The following RFTN2 variants were observed in gnomAD, a reference collection of about 807,000 sequenced individuals.
RFTN2 encodes the protein raftlin-2.
RFTN2 carries 34 observed loss-of-function variants against 52.7 expected under a neutral mutation model. The observed-to-expected ratio is 0.64, with a 90% CI of 0.49 to 0.86. The LOEUF is 0.86. Ranked by LOEUF, RFTN2 falls within the 40% of genes least tolerant of loss-of-function variation. The pLI is 0.00. For missense variants in RFTN2, 536 were observed against 600.1 expected, an observed-to-expected ratio of 0.89 and a Z score of 1.12; for synonymous variants, 203 against 217.7, an observed-to-expected ratio of 0.93 and a Z score of 0.59.
At chr2:197,630,187 C>T (rs2088445317) in intron 5 of RFTN2, among the ~76,000 whole-genome samples, 1 of 131,254 alleles carries the variant, frequency 7.6e-6, no homozygotes, top group Non-Finnish European at 1.6e-5. Flanking sequence ...CATCCAAAGT[C>T]TGTAGTTGGA....
intron 1 of RFTN2, among the ~76,000 whole-genome samples, chr2:197,664,070 T>G (rs1404737070): frequency 6.6e-6 from 1 of 152,178 alleles, no homozygotes; most frequent in Non-Finnish European, 1.5e-5. Context: ...TTCAGGAGTA[T>G]GCTGTTTAAT....
chr2:197,589,830 T>C lies in RFTN2; in HGVS notation c.1233+6161A>G, dbSNP rs531423566. Among the ~76,000 whole-genome samples the C allele has an allele frequency of 7.9e-5, 12 of 152,342 alleles. No homozygotes were observed. In the South Asian group the frequency reaches 2.3e-3, roughly 29 times the overall value. ...TCTTTTCCTTCTGTTAACAGTGTCA[T>C]TCACAGAACAAAAGTTTTATATTTT... On this transcript the variant is annotated intron_variant, in intron 8 of 8. Coordinates refer to ENST00000295049, the MANE Select transcript of RFTN2 (RefSeq NM_144629.3).
At chr2:197,598,646 T>C (rs1399014914) in intron 7 of RFTN2, among the ~76,000 whole-genome samples, 1 of 152,208 alleles carries the variant, frequency 6.6e-6, no homozygotes, top group Non-Finnish European at 1.5e-5. Flanking sequence ...TTACCGTGCA[T>C]TCCAAACATT....
rs566865988 is a variant in RFTN2 at position 197,621,203 on chromosome 2, T to TAC, written c.929-3283_929-3282insGT. Among the ~76,000 whole-genome samples the TAC allele has an allele frequency of 6.2e-4, 95 of 152,096 alleles. 4 individuals are homozygous for TAC. In the East Asian group the frequency reaches 0.017, roughly 28 times the overall value. On this transcript the variant is annotated intron_variant, in intron 5 of 8. Transcript: ENST00000295049. ...CCCCAAGTTCCCTTTTAGAGGTATG[T>TAC]GTTTTAAAATTAGTTGTATCCTGTG...
chr2:197,600,718 AC>A (rs1052292002), intron 7 of RFTN2, among the ~76,000 whole-genome samples: 3 of 152,196 alleles, frequency 2.0e-5, no homozygotes, highest in Non-Finnish European at 4.4e-5. Flanking sequence ...GACAGAGCCC[AC>A]ATCTCTTATT....
intron 5 of RFTN2, among the ~76,000 whole-genome samples, chr2:197,627,916 T>G (rs2088393481): frequency 7.6e-6 from 1 of 130,854 alleles, no homozygotes; most frequent in South Asian, 2.7e-4. Context: ...GGTATTTTAT[T>G]CAGCGTGATT....
intron 1 of RFTN2, among the ~76,000 whole-genome samples, chr2:197,664,649 G>A (rs564134526): frequency 6.6e-6 from 1 of 152,026 alleles, no homozygotes; most frequent in South Asian, 2.1e-4. Flanking sequence ...GCTGGGTGTG[G>A]TGGTACATGG....
chr2:197,589,414 G>A (rs2087660387), intron 8 of RFTN2, among the ~76,000 whole-genome samples: 1 of 151,948 alleles, frequency 6.6e-6, no homozygotes, highest in Admixed American at 6.6e-5. Flanking sequence ...CCAGTCTCAG[G>A]TATGTCTTTA....
chr2:197,663,663 C>T (rs2089009307), intron 1 of RFTN2, among the ~76,000 whole-genome samples: 1 of 152,086 alleles, frequency 6.6e-6, no homozygotes, highest in Non-Finnish European at 1.5e-5. Context: ...CTGTGGTTAT[C>T]AGTTGTAATG....
chr2:197,590,103 G>C (rs951100381), intron 8 of RFTN2, among the ~76,000 whole-genome samples: 1 of 147,464 alleles, frequency 6.8e-6, no homozygotes, highest in African/African-American at 2.5e-5. Context: ...ACAGGGTTTT[G>C]CTGAGCTGAC....
intron 4 of RFTN2, among the ~76,000 whole-genome samples, chr2:197,631,833 G>T (rs374937981): frequency 6.6e-6 from 1 of 152,254 alleles, no homozygotes; most frequent in African/African-American, 2.4e-5. Flanking sequence ...TCTTAACGTA[G>T]GGTCAGTGGA....
chr2:197,588,646 G>T (rs969566968), intron 8 of RFTN2, among the ~76,000 whole-genome samples: 1 of 152,172 alleles, frequency 6.6e-6, no homozygotes, highest in African/African-American at 2.4e-5. Flanking sequence ...TTGTGTGTAG[G>T]TTTCTGTGTG....
At chr2:197,614,615 G>A (rs1009864754) in intron 7 of RFTN2, among the ~76,000 whole-genome samples, 2 of 152,106 alleles carry the variant, frequency 1.3e-5, no homozygotes, top group South Asian at 2.1e-4. Context: ...ACCCCTAGAC[G>A]CTACCATGGG....
chr2:197,636,682 C>G (rs1218705708), intron 3 of RFTN2, among the ~76,000 whole-genome samples: 2 of 149,556 alleles, frequency 1.3e-5, no homozygotes, highest in African/African-American at 5.0e-5. Context: ...ATGTCGTCTG[C>G]AAACAGGGAC....
chr2:197,621,231 A>G (rs1331589389), intron 5 of RFTN2, among the ~76,000 whole-genome samples: 3 of 151,842 alleles, frequency 2.0e-5, no homozygotes, highest in Non-Finnish European at 2.9e-5. Context: ...ATCCTGTGAT[A>G]ATTACATAGT....
In RFTN2 at chr2:197,631,171, T is replaced by C. The variant is rs1403765521; in HGVS notation, c.768A>G (p.Ser256=). 1.1e-5 allele frequency: 17 copies of C among 1,613,632 alleles called. No individual in the cohort carries two copies. Among genetic ancestry groups the C allele is most frequent in the Non-Finnish European group, 1.4e-5 (17 of 1,179,758 alleles). ...TGCCTTCCTGATAGGCCCAGGAGGTTGAATCATCATCAAAAGCATTGAAGA... is the reference window on the plus strand; with the variant it reads ...TGCCTTCCTGATAGGCCCAGGAGGTCGAATCATCATCAAAAGCATTGAAGA... ...YTVFNAFDDD[S]TSWAYQEGIL... is the part of the protein sequence containing the mutation. Residue 256 remains serine (S), a synonymous_variant, in exon 5 of 9, where the codon TCA becomes TCG. Coordinates refer to ENST00000295049, the MANE Select transcript of RFTN2 (RefSeq NM_144629.3).
intron 3 of RFTN2, among the ~76,000 whole-genome samples, chr2:197,637,591 C>G (rs2088590199): frequency 6.6e-6 from 1 of 152,140 alleles, no homozygotes; most frequent in East Asian, 1.9e-4. Context: ...GTGATATCCC[C>G]TTTATCATTT....
At chr2:197,663,072 GT>G (rs921039930) in intron 1 of RFTN2, among the ~76,000 whole-genome samples, 1 of 151,984 alleles carries the variant, frequency 6.6e-6, no homozygotes, top group Non-Finnish European at 1.5e-5. Context: ...TTTATTAAAT[GT>G]TTTTTTCTGC....
intron 7 of RFTN2, among the ~76,000 whole-genome samples, chr2:197,605,131 A>T (rs956251502): frequency 1.3e-5 from 2 of 152,302 alleles, no homozygotes; most frequent in East Asian, 1.9e-4. Context: ...TAAGGGTGAC[A>T]TGTAGAAGAA....
Sources: allele counts gnomAD v4.1 joint callset (sites outside exome capture counted in the v4.1 genomes callset), GRCh38; gene constraint gnomAD v4.1.1; transcripts MANE v1.5; gene names NCBI Gene and HGNC (gene_info 2026-07-23, HGNC 2026-07-21).